ANK2: variants seen among roughly 807,000 people sequenced by gnomAD.
ANK2 encodes ankyrin-2.
In ANK2, 83 loss-of-function variants were observed where a neutral mutation model predicts 360.5. The observed-to-expected ratio is 0.23, with a 90% CI of 0.19 to 0.28. ANK2 has a LOEUF of 0.28. ANK2 is among the 10% of genes least tolerant of loss of function. The pLI is 1.00. For synonymous variants in ANK2, 1,740 were observed against 1,759.5 expected (o/e 0.99, Z 0.28); for missense variants, 4,201 against 4,795.7 (o/e 0.88, Z 3.66).
intron 1 of ANK2, among the ~76,000 whole-genome samples, chr4:113,088,740 T>A (rs2086183256): frequency 6.6e-6 from 1 of 152,188 alleles, no homozygotes; most frequent in Non-Finnish European, 1.5e-5. Context: ...CACCGAACTG[T>A]CACAATTGTT....
Position 113,279,675 on chromosome 4 carries a change from T to A in ANK2, c.1881+1117T>A. 1.3e-5 allele frequency among the ~76,000 whole-genome samples: 2 copies of A among 148,496 alleles called. 1 individual carries two copies. Among genetic ancestry groups the A allele is most frequent in the South Asian group, 4.2e-4 (2 of 4,774 alleles). On this transcript the variant is annotated intron_variant, in intron 17 of 45. Transcript: ENST00000357077. ...TAGGATATATACATAAAATATGTTC[T>A]GTATAATATATATTTTATATATAAA...
intron 1 of ANK2, among the ~76,000 whole-genome samples, chr4:113,053,546 C>G (rs1339409374): frequency 6.6e-6 from 1 of 152,102 alleles, no homozygotes. Flanking sequence ...TGAAATGTAT[C>G]CGTGTAAGAC....
In ANK2 at chr4:113,359,041, A is replaced by T; in HGVS notation, c.10423A>T (p.Ile3475Leu). ...TTTCTTTGACCTTTACAGAAATTCC[A>T]TAGAATTCTTTGAGGAGATTAGTGA... is the stretch of plus-strand genomic sequence containing the variant. Reference protein sequence around the residue: ...EHFFDLYRNSIEFFEEISDEA... With the variant: ...EHFFDLYRNSLEFFEEISDEA... The change falls in exon 38 of 46, where the codon ATA becomes TTA. Residue 3475 changes from isoleucine to leucine, a missense_variant. By Grantham distance (5) the Ile-to-Leu change is conservative. Transcript: ENST00000357077. 6.2e-7 allele frequency: 1 copy of T among 1,614,094 alleles called. No homozygotes were observed. The highest frequency in any genetic ancestry group is 8.5e-7 in the Non-Finnish European group (1 of 1,179,950).
chr4:112,953,499 G>A (rs1215532598), intron 2 of ANK2, among the ~76,000 whole-genome samples: 1 of 152,208 alleles, frequency 6.6e-6, no homozygotes, highest in Non-Finnish European at 1.5e-5. Context: ...AGACTTCCAA[G>A]GCTTCCAGTC....
intron 4 of ANK2, among the ~76,000 whole-genome samples, chr4:113,215,372 T>G (rs1013308270): frequency 6.6e-6 from 1 of 152,218 alleles, no homozygotes; most frequent in Non-Finnish European, 1.5e-5. Context: ...TTATAATGCA[T>G]GTAATAAGTG....
chr4:112,898,281 C>T (rs2082293792), intron 1 of ANK2, among the ~76,000 whole-genome samples: 1 of 152,024 alleles, frequency 6.6e-6, no homozygotes. Context: ...ACCAAATGCC[C>T]CTTTTCTCTT....
At chr4:113,333,852 G>A (rs2093019981) in intron 29 of ANK2, among the ~76,000 whole-genome samples, 1 of 152,094 alleles carries the variant, frequency 6.6e-6, no homozygotes, top group Non-Finnish European at 1.5e-5. Flanking sequence ...TTCAATTGCT[G>A]TAAATCTCAA....
At chr4:112,995,838 T>G (rs2048326398) in intron 2 of ANK2, among the ~76,000 whole-genome samples, 1 of 152,228 alleles carries the variant, frequency 6.6e-6, no homozygotes, top group Non-Finnish European at 1.5e-5. Context: ...AATTTGCTTT[T>G]ATGGAATGTT....
chr4:113,087,218 A>G (rs1199967485), intron 1 of ANK2, among the ~76,000 whole-genome samples: 1 of 152,184 alleles, frequency 6.6e-6, no homozygotes, highest in Non-Finnish European at 1.5e-5. Flanking sequence ...GAAGAGAGGA[A>G]AGAGTATTTC....
chr4:112,967,740 C>G (rs1195946128), intron 2 of ANK2, among the ~76,000 whole-genome samples: 1 of 152,126 alleles, frequency 6.6e-6, no homozygotes, highest in Non-Finnish European at 1.5e-5. Flanking sequence ...TCATTTTTAG[C>G]TCTTTAATCA....
At chr4:112,774,554 A>T in the ANK2 span, among the ~76,000 whole-genome samples, 1 of 152,184 alleles carries the variant, frequency 6.6e-6, no homozygotes, top group Non-Finnish European at 1.5e-5. Context: ...TAACGAACTG[A>T]CTAACTAACT....
At position 112,887,702 on chromosome 4, in the gene ANK2, A is replaced by T. The variant is rs147154253; in HGVS notation, c.-39-16753A>T. Among the ~76,000 whole-genome samples the T allele has an allele frequency of 2.8e-4, 43 of 152,262 alleles. No individual in the cohort carries two copies. In the East Asian group the frequency reaches 7.7e-3, roughly 27 times the overall value. ...CATAGAGGTTTCCATGAATTAGCAG[A>T]CTAAAGAGATTGGTCTTCTTTCCTG... On this transcript the variant is annotated intron_variant, in intron 1 of 30. Coordinates refer to the ANK2 transcript ENST00000503271.
At chr4:113,130,659 G>A (rs543846247) in intron 1 of ANK2, among the ~76,000 whole-genome samples, 2 of 152,136 alleles carry the variant, frequency 1.3e-5, no homozygotes, top group Non-Finnish European at 2.9e-5. Flanking sequence ...CAGGAACAGC[G>A]TAATGCCCCG....
chr4:112,726,658 T>C, the ANK2 span, among the ~76,000 whole-genome samples: 1 of 152,070 alleles, frequency 6.6e-6, no homozygotes, highest in Non-Finnish European at 1.5e-5. Context: ...GAGACCATCC[T>C]GGCTAACACA....
chr4:112,706,922 T>TTTGTG, the ANK2 span: 1 of 152,154 alleles, frequency 6.6e-6, no homozygotes, highest in Non-Finnish European at 1.5e-5. Context: ...AACAAGGGAG[T>TTTGTG]ACTCCATCTG....
chr4:113,372,494 A>G (rs2096774291), intron 43 of ANK2: 2 of 1,287,056 alleles, frequency 1.6e-6, no homozygotes, highest in Non-Finnish European at 2.2e-6. Context: ...GTCATTCCTT[A>G]GCATGTTAAA....
chr4:112,995,012 G>C (rs2048075759), intron 2 of ANK2, among the ~76,000 whole-genome samples: 1 of 152,198 alleles, frequency 6.6e-6, no homozygotes, highest in African/African-American at 2.4e-5. Context: ...ACCACTGATA[G>C]GCACCTAGGT....
chr4:112,788,705 G>T, the ANK2 span: 1 of 1,597,216 alleles, frequency 6.3e-7, no homozygotes, highest in South Asian at 1.1e-5. Context: ...TGATATAGCG[G>T]GGCCATTTCA....
intron 2 of ANK2, among the ~76,000 whole-genome samples, chr4:112,974,155 A>AG (rs1265021916): frequency 1.3e-5 from 2 of 152,158 alleles, no homozygotes; most frequent in African/African-American, 4.8e-5. Flanking sequence ...GGTAGTGCTG[A>AG]GGGGAAATGA....
Sources: allele counts gnomAD v4.1 joint callset (sites outside exome capture counted in the v4.1 genomes callset), GRCh38; gene constraint gnomAD v4.1.1; transcripts MANE v1.5; gene names NCBI Gene and HGNC (gene_info 2026-07-23, HGNC 2026-07-21).